SMG6: variants seen among roughly 807,000 people sequenced by gnomAD.
SMG6 encodes the protein telomerase-binding protein EST1A.
SMG6 carries 66 observed loss-of-function variants against 142.2 expected under a neutral mutation model. The ratio of observed to expected loss-of-function variants is 0.46; its 90% confidence interval spans 0.38 to 0.57. The LOEUF (loss-of-function observed/expected upper bound fraction) is 0.57. Ranked by LOEUF, SMG6 falls within the 20% of genes least tolerant of loss-of-function variation. The pLI is 0.00. For synonymous variants in SMG6, 779 were observed against 702.4 expected (o/e 1.11, Z -1.72); for missense variants, 1,793 against 1,832.0 (o/e 0.98, Z 0.39).
In SMG6 at chr17:2,300,269, G is replaced by C. The variant is rs200691961; in HGVS notation, c.484C>G (p.Arg162Gly). The change falls in exon 2 of 19, where the codon CGG (arginine) becomes GGG (glycine). Residue 162 changes from arginine (R) to glycine (G), a missense_variant. By Grantham distance (125) the Arg-to-Gly change is moderately radical (BLOSUM62 -2). Coordinates refer to ENST00000263073, the MANE Select transcript of SMG6 (RefSeq NM_017575.5). ...LQTVSKESAS[R>G]VEEEEVLNQV... The stretch of plus-strand genomic sequence containing the variant: ...TTGAGGACTTCTTCCTCCTCCACCC[G>C]ACTGGCGGATTCTTTGCTAACAGTC... 4 of 1,613,896 alleles carry C rather than the reference G, an allele frequency of 2.5e-6. No homozygotes were observed. Among genetic ancestry groups the C allele is most frequent in the Admixed American group, 1.7e-5 (1 of 59,994 alleles).
chr17:2,104,189 GA>G (rs2069091335), intron 13 of SMG6, among the ~76,000 whole-genome samples: 1 of 151,986 alleles, frequency 6.6e-6, no homozygotes, highest in Non-Finnish European at 1.5e-5. Flanking sequence ...CTGACCTCGT[GA>G]TCCGCCCACC....
intron 6 of SMG6, among the ~76,000 whole-genome samples, chr17:2,288,114 G>A (rs2074948524): frequency 3.3e-5 from 5 of 152,048 alleles, no homozygotes; most frequent in Admixed American, 3.3e-4. Context: ...TGGAGTTCGA[G>A]ACCAGCCTGG....
intron 8 of SMG6, among the ~76,000 whole-genome samples, chr17:2,282,330 A>G (rs562132649): frequency 6.6e-6 from 1 of 151,610 alleles, no homozygotes; most frequent in East Asian, 1.9e-4. Flanking sequence ...GGAAAAGATA[A>G]GTACAAAATC....
chr17:2,208,635 C>T (rs2072759604), intron 10 of SMG6, among the ~76,000 whole-genome samples: 1 of 152,204 alleles, frequency 6.6e-6, no homozygotes, highest in Non-Finnish European at 1.5e-5. Flanking sequence ...GTGCTGGGCA[C>T]TTAGTTTTTG....
intron 13 of SMG6, among the ~76,000 whole-genome samples, chr17:2,161,690 G>C (rs1442116575): frequency 2.0e-5 from 3 of 150,040 alleles, no homozygotes; most frequent in Non-Finnish European, 4.4e-5. Context: ...GTACCACTCA[G>C]AGCACTCTCA....
rs185138785 is a variant in SMG6, at chr17:2,279,064, C to T, written c.2661+3583G>A. 2.1e-3 allele frequency among the ~76,000 whole-genome samples: 326 copies of T among 152,274 alleles called. 5 individuals are homozygous for T. The highest frequency in any genetic ancestry group is 7.1e-3 in the African/African-American group (294 of 41,540). On this transcript the variant is annotated intron_variant, in intron 8 of 18. Transcript: ENST00000263073. ...CAAGGGAAAGATCTGCACAAAACTA[C>T]ACTTAAAAGCACTTAAACCAGAAAT...
chr17:2,091,973 C>A (rs369300371), intron 13 of SMG6, among the ~76,000 whole-genome samples: 1 of 151,274 alleles, frequency 6.6e-6, no homozygotes, highest in African/African-American at 2.4e-5. Context: ...TGAGCCACTG[C>A]GCCTGGCCCC....
intron 6 of SMG6, among the ~76,000 whole-genome samples, chr17:2,292,303 T>C (rs754089087): frequency 6.6e-6 from 1 of 152,162 alleles, no homozygotes; most frequent in Non-Finnish European, 1.5e-5. Context: ...GGTGTTTAGC[T>C]GGAGCATGAG....
At chr17:2,244,878 G>C in intron 8 of SMG6, 159 bp from the exon 9 acceptor site, 2 of 622,550 alleles carry the variant, frequency 3.2e-6, no homozygotes, top group Non-Finnish European at 5.7e-6. Context: ...CAGACCCAGG[G>C]CACATGCCCA....
At chr17:2,162,512 T>A (rs1451716756) in intron 13 of SMG6, among the ~76,000 whole-genome samples, 2 of 67,264 alleles carry the variant, frequency 3.0e-5, no homozygotes, top group South Asian at 6.2e-4. Flanking sequence ...AGACTCCCCA[T>A]CTCAGAAAAA....
At chr17:2,282,574 C>T in intron 8 of SMG6, 73 bp downstream of exon 8, 1 of 1,463,530 alleles carries the variant, frequency 6.8e-7, no homozygotes, top group Non-Finnish European at 9.5e-7. Context: ...ATCTGTGCCT[C>T]ACAGCTGTAT....
intron 13 of SMG6, among the ~76,000 whole-genome samples, chr17:2,162,842 CTT>C (rs1164975902): frequency 6.6e-6 from 1 of 152,016 alleles, no homozygotes; most frequent in Non-Finnish European, 1.5e-5. Context: ...ATTTTCCTCT[CTT>C]TTTTTGAGAA....
At chr17:2,086,614 G>A (rs2068568375) in intron 13 of SMG6, among the ~76,000 whole-genome samples, 2 of 152,226 alleles carry the variant, frequency 1.3e-5, no homozygotes, top group Non-Finnish European at 2.9e-5. Flanking sequence ...TGCTGTCAGA[G>A]AAGCTTGGGC....
At chr17:2,135,970 A>G (rs2070281956) in intron 13 of SMG6, among the ~76,000 whole-genome samples, 1 of 151,358 alleles carries the variant, frequency 6.6e-6, no homozygotes, top group Non-Finnish European at 1.5e-5. Flanking sequence ...GGCATGAGAT[A>G]CCACACCTAG....
At chr17:2,139,654 C>T (rs2070413731) in intron 13 of SMG6, among the ~76,000 whole-genome samples, 1 of 151,860 alleles carries the variant, frequency 6.6e-6, no homozygotes, top group South Asian at 2.1e-4. Flanking sequence ...CTCCTGACCG[C>T]AAGTGATCTG....
intron 9 of SMG6, 97 bp from the exon 10 acceptor site, chr17:2,236,734 CA>C: frequency 4.6e-5 from 63 of 1,361,020 alleles, no homozygotes; most frequent in Admixed American, 4.3e-4. Flanking sequence ...CACACACACA[CA>C]CACACACACA....
intron 6 of SMG6, among the ~76,000 whole-genome samples, chr17:2,291,272 C>G (rs559087328): frequency 1.3e-5 from 2 of 151,278 alleles, no homozygotes; most frequent in South Asian, 2.1e-4. Flanking sequence ...CGGAGCTTGC[C>G]GTGAGCCGAG....
rs572017993 is a variant in SMG6 at position 2,253,434 on chromosome 17, G to A, written c.2662-8715C>T. Among the ~76,000 whole-genome samples the A allele has an allele frequency of 9.9e-5, 15 of 152,040 alleles. No homozygotes were observed. In the South Asian group the frequency reaches 2.9e-3, roughly 29 times the overall value. On this transcript the variant is annotated intron_variant, in intron 8 of 18. Transcript: ENST00000263073. ...GCCTAAAATATTTACTATCCAGATCGTTACAGAAAAAAAATGTCTGCTGAT... is the reference window on the plus strand; with the variant it reads ...GCCTAAAATATTTACTATCCAGATCATTACAGAAAAAAAATGTCTGCTGAT...
At position 2,236,104 on chromosome 17, in the gene SMG6, G is replaced by C. The variant is rs547147000; in HGVS notation, c.2869+388C>G. ...AACAGGGTACATGAGTCCAGAAACA[G>C]CTATTCCCAATCCCTGCCAAGCGTA... On this transcript the variant is annotated intron_variant, in intron 10 of 18. Transcript: ENST00000263073. The C allele has an allele frequency of 3.2e-5, 5 of 156,572 alleles. No homozygotes were observed. In the Admixed American group the frequency reaches 3.2e-4, roughly 10 times the overall value. 9.7% of individuals were successfully genotyped at this position (156,572 alleles called of 1,614,324 possible).
Sources: allele counts gnomAD v4.1 joint callset (sites outside exome capture counted in the v4.1 genomes callset), GRCh38; gene constraint gnomAD v4.1.1; transcripts MANE v1.5; gene names NCBI Gene and HGNC (gene_info 2026-07-23, HGNC 2026-07-21).